EPM2A: variants seen among roughly 807,000 people sequenced by gnomAD.
The protein encoded by EPM2A is laforin.
Under a neutral mutation model 26.5 loss-of-function variants are expected in EPM2A, and 21 were observed. That is an observed-to-expected ratio of 0.79 (90% CI 0.56 to 1.14). The LOEUF (loss-of-function observed/expected upper bound fraction) is 1.14. Among genes scored for constraint, EPM2A ranks in the 50% most tolerant of loss-of-function variants. The pLI, the probability that EPM2A is intolerant of heterozygous loss-of-function variation, is 0.00. For missense variants in EPM2A, 458 were observed against 440.8 expected (o/e 1.04, Z -0.35); for synonymous variants, 217 against 177.6 (o/e 1.22, Z -1.76).
chr6:145,724,650 C>CA (rs1360158645), intron 1 of EPM2A, among the ~76,000 whole-genome samples: 3 of 151,802 alleles, frequency 2.0e-5, no homozygotes, highest in African/African-American at 7.3e-5. Context: ...ATACTGGTTT[C>CA]AAAAAAACCA....
At chr6:145,490,060 C>G in intron 4 of EPM2A, 2 of 1,293,882 alleles carry the variant, frequency 1.5e-6, no homozygotes, top group Non-Finnish European at 1.1e-6. Flanking sequence ...CTGAATCCAC[C>G]TGGACCTGAA....
chr6:145,474,083 A>C (rs981199245), intron 4 of EPM2A, among the ~76,000 whole-genome samples: 9 of 152,344 alleles, frequency 5.9e-5, no homozygotes, highest in African/African-American at 1.9e-4. Context: ...TAAAGTGTGA[A>C]TCAATAAAAA....
intron 4 of EPM2A, among the ~76,000 whole-genome samples, chr6:145,384,280 G>A (rs1248991979): frequency 1.3e-5 from 2 of 152,082 alleles, no homozygotes; most frequent in African/African-American, 4.8e-5. Context: ...TAACAACAAG[G>A]GACTATTAAC....
intron 4 of EPM2A, among the ~76,000 whole-genome samples, chr6:145,457,481 C>CAAA (rs11325982): frequency 1.9e-5 from 2 of 105,514 alleles, no homozygotes; most frequent in African/African-American, 3.3e-5. Flanking sequence ...GACTCTGTCT[C>CAAA]AAAAAAAAAA....
At chr6:145,628,568 G>A (rs751132688) in intron 3 of EPM2A, 1 of 152,130 alleles carries the variant, frequency 6.6e-6, no homozygotes, top group Admixed American at 6.5e-5. Flanking sequence ...TGTTTTCAGC[G>A]GGTGATCAAT....
At chr6:145,583,381 G>T (rs1434593318) in intron 2 of EPM2A, among the ~76,000 whole-genome samples, 1 of 152,066 alleles carries the variant, frequency 6.6e-6, no homozygotes, top group Non-Finnish European at 1.5e-5. Context: ...GGTATAAGAT[G>T]GGTTCAGTCA....
chr6:145,603,945 C>T (rs758194656), intron 2 of EPM2A, among the ~76,000 whole-genome samples: 16 of 152,028 alleles, frequency 1.1e-4, no homozygotes, highest in African/African-American at 2.4e-4. Flanking sequence ...AAAAGTTATA[C>T]GATTCTAAAT....
At chr6:145,655,331 T>C (rs981023666) in intron 2 of EPM2A, among the ~76,000 whole-genome samples, 6 of 152,148 alleles carry the variant, frequency 3.9e-5, no homozygotes, top group African/African-American at 1.4e-4. Flanking sequence ...AGCTATTAAG[T>C]ATGTAAAAGT....
chr6:145,415,827 G>A (rs1192519816), intron 4 of EPM2A, among the ~76,000 whole-genome samples: 1 of 152,066 alleles, frequency 6.6e-6, no homozygotes, highest in Non-Finnish European at 1.5e-5. Flanking sequence ...TGCATCCCCC[G>A]AGTTCTGTTG....
intron 4 of EPM2A, among the ~76,000 whole-genome samples, chr6:145,457,861 T>C (rs923528799): frequency 6.6e-6 from 1 of 152,246 alleles, no homozygotes; most frequent in Non-Finnish European, 1.5e-5. Flanking sequence ...GTTGTCTGAA[T>C]GTAGAGAATT....
At chr6:145,584,619 G>A (rs972094820) in intron 2 of EPM2A, among the ~76,000 whole-genome samples, 1 of 152,120 alleles carries the variant, frequency 6.6e-6, no homozygotes, top group South Asian at 2.1e-4. Flanking sequence ...GTCCCTGGGG[G>A]TCATGGGTTC....
chr6:145,417,592 T>C (rs545532794), intron 4 of EPM2A, among the ~76,000 whole-genome samples: 25 of 152,304 alleles, frequency 1.6e-4, no homozygotes, highest in African/African-American at 5.5e-4. Context: ...AATTTGACTC[T>C]AGGTATAACT....
At chr6:145,683,951 G>C (rs762440163) in intron 2 of EPM2A, among the ~76,000 whole-genome samples, 1 of 151,876 alleles carries the variant, frequency 6.6e-6, no homozygotes. Flanking sequence ...ACACAAAAAA[G>C]AAAGATCAAA....
chr6:145,498,243 CAGGGA>C (rs1779845859), downstream of EPM2A, among the ~76,000 whole-genome samples: 1 of 152,298 alleles, frequency 6.6e-6, no homozygotes, highest in South Asian at 2.1e-4. Context: ...ACACTATTGC[CAGGGA>C]CTGGCTGGAA....
intron 4 of EPM2A, among the ~76,000 whole-genome samples, chr6:145,441,873 CAAAACA>C (rs988533115): frequency 2.0e-5 from 3 of 151,994 alleles, no homozygotes; most frequent in African/African-American, 7.2e-5. Flanking sequence ...AAAACAACAA[CAAAACA>C]AAAACAAAAA....
intron 2 of EPM2A, among the ~76,000 whole-genome samples, chr6:145,618,266 T>G (rs1449505797): frequency 1.3e-5 from 2 of 152,130 alleles, no homozygotes; most frequent in African/African-American, 4.8e-5. Flanking sequence ...AAAAAATATG[T>G]GCAAAACCCC....
At chr6:145,537,311 T>C (rs887260916) in intron 2 of EPM2A, among the ~76,000 whole-genome samples, 1 of 152,202 alleles carries the variant, frequency 6.6e-6, no homozygotes, top group Non-Finnish European at 1.5e-5. Context: ...GTATATTCAA[T>C]CTCTCGAAAC....
intron 1 of EPM2A, among the ~76,000 whole-genome samples, chr6:145,707,878 T>G (rs928114482): frequency 6.6e-6 from 1 of 152,198 alleles, no homozygotes; most frequent in Non-Finnish European, 1.5e-5. Flanking sequence ...AGGCAGAGGC[T>G]GGAACAGTTT....
At chr6:145,627,836 G>T in intron 3 of EPM2A, 143 bp from the exon 4 acceptor site, 1 of 1,209,532 alleles carries the variant, frequency 8.3e-7, no homozygotes, top group Non-Finnish European at 1.1e-6. Context: ...TCTGCATTGT[G>T]AAGGAAAAAG....
Sources: allele counts gnomAD v4.1 joint callset (sites outside exome capture counted in the v4.1 genomes callset), GRCh38; gene constraint gnomAD v4.1.1; transcripts MANE v1.5; gene names NCBI Gene and HGNC (gene_info 2026-07-23, HGNC 2026-07-21).